RAD51B: variants seen among roughly 807,000 people sequenced by gnomAD.
RAD51B encodes RAD51 paralog B, also known as DNA repair protein RAD51 homolog 2.
Under a neutral mutation model 42.2 loss-of-function variants are expected in RAD51B, and 38 were observed. The observed-to-expected ratio is 0.90, with a 90% CI of 0.70 to 1.18. The LOEUF is 1.18. Among genes scored for constraint, RAD51B ranks in the 50% most tolerant of loss-of-function variants. The pLI, the probability that RAD51B is intolerant of heterozygous loss-of-function variation, is 0.00. For synonymous variants in RAD51B, 154 were observed against 145.2 expected, an observed-to-expected ratio of 1.06 and a Z score of -0.43; for missense variants, 373 against 400.7, an observed-to-expected ratio of 0.93 and a Z score of 0.59.
At chr14:68,099,459 A>G (rs576342822) in intron 7 of RAD51B, among the ~76,000 whole-genome samples, 4 of 152,324 alleles carry the variant, frequency 2.6e-5, no homozygotes, top group African/African-American at 9.6e-5. Context: ...AGTAGCACAC[A>G]AAAAATCATA....
At chr14:68,056,289 G>A (rs2076472934) in intron 7 of RAD51B, among the ~76,000 whole-genome samples, 1 of 152,034 alleles carries the variant, frequency 6.6e-6, no homozygotes, top group African/African-American at 2.4e-5. Context: ...CTCCCAAGTA[G>A]CAGGGATGCC....
chr14:68,535,034 G>A (rs1164669364), intron 10 of RAD51B, among the ~76,000 whole-genome samples: 1 of 152,018 alleles, frequency 6.6e-6, no homozygotes, highest in African/African-American at 2.4e-5. Context: ...TAAGTTCATG[G>A]GACTAGCAAG....
chr14:67,931,853 A>G (rs1392239336), intron 7 of RAD51B, among the ~76,000 whole-genome samples: 1 of 152,096 alleles, frequency 6.6e-6, no homozygotes, highest in Non-Finnish European at 1.5e-5. Context: ...GAGAATTATT[A>G]TGTTCCTTTG....
intron 10 of RAD51B, among the ~76,000 whole-genome samples, chr14:68,567,261 C>T (rs1805076683): frequency 6.6e-6 from 1 of 152,064 alleles, no homozygotes; most frequent in African/African-American, 2.4e-5. Flanking sequence ...ATCGCGGCCA[C>T]TGCACTCCAG....
At chr14:68,017,010 T>C (rs193073640) in intron 7 of RAD51B, among the ~76,000 whole-genome samples, 1 of 152,272 alleles carries the variant, frequency 6.6e-6, no homozygotes, top group Non-Finnish European at 1.5e-5. Context: ...GAAGGAAATG[T>C]CAGTGTTTGG....
rs147103210 is a variant in RAD51B at position 68,055,477 on chromosome 14, C to T, written c.756+168273C>T. 2.3e-3 allele frequency among the ~76,000 whole-genome samples: 351 copies of T among 152,170 alleles called. 1 individual carries two copies. The highest frequency in any genetic ancestry group is 8.2e-3 in the African/African-American group (340 of 41,506). ...TAACCTTTCAGAGATTAAATGAGAG[C>T]AATCATGTGATAGCAGCAGCAAAAG... On this transcript the variant is annotated intron_variant, in intron 7 of 10. Coordinates refer to ENST00000471583, the MANE Select transcript of RAD51B (RefSeq NM_133510.4).
chr14:68,388,689 G>A (rs984266730), intron 8 of RAD51B, among the ~76,000 whole-genome samples: 4 of 152,066 alleles, frequency 2.6e-5, no homozygotes, highest in African/African-American at 4.8e-5. Flanking sequence ...TACATCAGGC[G>A]GTGAGGATAC....
intron 10 of RAD51B, among the ~76,000 whole-genome samples, chr14:68,607,230 G>T (rs962288529): frequency 1.3e-5 from 2 of 152,164 alleles, no homozygotes; most frequent in African/African-American, 4.8e-5. Context: ...TTCCAGGGAA[G>T]GCTGAGGCTG....
At chr14:67,896,563 A>G (rs938458268) in intron 7 of RAD51B, among the ~76,000 whole-genome samples, 9 of 152,238 alleles carry the variant, frequency 5.9e-5, no homozygotes, top group African/African-American at 1.9e-4. Flanking sequence ...TTTTTAACTT[A>G]TCAAAGGAAA....
At chr14:68,421,827 TCCAACCA>T (rs2140108741) in intron 9 of RAD51B, 1 of 1,594,690 alleles carries the variant, frequency 6.3e-7, no homozygotes, top group African/African-American at 1.3e-5. Flanking sequence ...GTGCTTGCCA[TCCAACCA>T]CTCAGTCTTG....
chr14:68,153,851 A>G (rs924658431), intron 7 of RAD51B, among the ~76,000 whole-genome samples: 2 of 152,212 alleles, frequency 1.3e-5, no homozygotes, highest in African/African-American at 4.8e-5. Flanking sequence ...ATGGAAACTC[A>G]CACACTATGA....
At chr14:68,057,757 T>A (rs1333998250) in intron 7 of RAD51B, among the ~76,000 whole-genome samples, 2 of 151,662 alleles carry the variant, frequency 1.3e-5, no homozygotes, top group Non-Finnish European at 2.9e-5. Context: ...TAAAGGAAAT[T>A]TAAATGATGA....
intron 8 of RAD51B, among the ~76,000 whole-genome samples, chr14:68,341,680 C>T (rs1166543766): frequency 6.6e-6 from 1 of 152,146 alleles, no homozygotes; most frequent in Admixed American, 6.5e-5. Context: ...AGTCTCTGGT[C>T]TGTATCACTT....
At chr14:68,014,408 A>G (rs2075741104) in intron 7 of RAD51B, among the ~76,000 whole-genome samples, 1 of 151,824 alleles carries the variant, frequency 6.6e-6, no homozygotes, top group Non-Finnish European at 1.5e-5. Flanking sequence ...AGTGACTTTT[A>G]CCCTGGTACA....
chr14:68,486,758 A>C (rs981579864), intron 10 of RAD51B, among the ~76,000 whole-genome samples: 2 of 152,122 alleles, frequency 1.3e-5, no homozygotes, highest in Non-Finnish European at 2.9e-5. Context: ...TTTTGCTAAT[A>C]TTTTTCATGC....
chr14:68,245,981 A>G (rs1208247048), intron 7 of RAD51B, among the ~76,000 whole-genome samples: 1 of 151,846 alleles, frequency 6.6e-6, no homozygotes, highest in African/African-American at 2.4e-5. Flanking sequence ...AATGAGATAC[A>G]ACAAGCCTTC....
rs186580275 is a variant in RAD51B at position 68,206,992 on chromosome 14, C to A, written c.757-84892C>A. On this transcript the variant is annotated intron_variant, in intron 7 of 10. Coordinates refer to ENST00000471583, the MANE Select transcript of RAD51B (RefSeq NM_133510.4). Reference sequence around the variant, plus strand: ...TTTTTAGTAGAGACAGGGTTTCACCCTGTTAGCCAGGATAGTCTCGATCTC... The same window carrying A: ...TTTTTAGTAGAGACAGGGTTTCACCATGTTAGCCAGGATAGTCTCGATCTC... Among the ~76,000 whole-genome samples, 1,032 of 152,024 alleles carry A rather than the reference C, an allele frequency of 6.8e-3. 7 individuals carry two copies. The highest frequency in any genetic ancestry group is 0.012 in the Non-Finnish European group (827 of 67,944).
At chr14:68,590,458 G>A (rs911201096) in intron 10 of RAD51B, among the ~76,000 whole-genome samples, 3 of 152,202 alleles carry the variant, frequency 2.0e-5, no homozygotes, top group Non-Finnish European at 4.4e-5. Context: ...CCCCCGCAGC[G>A]TTGGGGGTTG....
intron 7 of RAD51B, among the ~76,000 whole-genome samples, chr14:67,982,260 A>G (rs952270705): frequency 6.6e-6 from 1 of 152,204 alleles, no homozygotes; most frequent in Non-Finnish European, 1.5e-5. Context: ...AAATATGTGC[A>G]GCTTTTTATA....
Sources: allele counts gnomAD v4.1 joint callset (sites outside exome capture counted in the v4.1 genomes callset), GRCh38; gene constraint gnomAD v4.1.1; transcripts MANE v1.5; gene names NCBI Gene and HGNC (gene_info 2026-07-23, HGNC 2026-07-21).